The following MMP26 variants were observed in gnomAD, a reference collection of about 807,000 sequenced individuals.
MMP26 encodes the protein matrix metallopeptidase 26.
Under a neutral mutation model 31.0 loss-of-function variants are expected in MMP26, and 33 were observed. The ratio of observed to expected loss-of-function variants is 1.06; its 90% CI spans 0.81 to 1.42. The LOEUF is 1.42. Among genes scored for constraint, MMP26 ranks in the 40% most tolerant of loss-of-function variants. The pLI, the probability that MMP26 is intolerant of heterozygous loss-of-function variation, is 0.00. For missense variants in MMP26, 347 were observed against 316.1 expected (o/e 1.10, Z -0.74); for synonymous variants, 122 against 114.9 (o/e 1.06, Z -0.40).
chr11:4,862,188 C>T (rs571895159), intron 2 of MMP26, among the ~76,000 whole-genome samples: 5 of 152,180 alleles, frequency 3.3e-5, no homozygotes, highest in Non-Finnish European at 7.3e-5. Context: ...AAGGTTTCCA[C>T]ATATGCTGTT....
At chr11:4,915,799 C>G in intron 2 of MMP26, 1 of 575,346 alleles carries the variant, frequency 1.7e-6, no homozygotes, top group Middle Eastern at 4.5e-4. Context: ...GCAGCTCTTT[C>G]TAGTGGTTAT....
intron 2 of MMP26, among the ~76,000 whole-genome samples, chr11:4,905,467 A>T (rs1564803895): frequency 6.6e-6 from 1 of 152,158 alleles, no homozygotes; most frequent in Non-Finnish European, 1.5e-5. Context: ...ATGAATTCAC[A>T]GTTAAGCTTC....
intron 2 of MMP26, chr11:4,877,917 A>G (rs1403450187): frequency 6.6e-6 from 1 of 152,272 alleles, no homozygotes; most frequent in South Asian, 2.1e-4. Context: ...TCACTTTGGT[A>G]TATCGTTTTA....
intron 1 of MMP26, among the ~76,000 whole-genome samples, chr11:4,762,366 A>G (rs183211430): frequency 1.3e-4 from 20 of 152,294 alleles, no homozygotes; most frequent in Non-Finnish European, 2.1e-4. Flanking sequence ...TGAACATTTT[A>G]TTTAAGTTTC....
rs146706676 is a variant in MMP26 at position 4,769,782 on chromosome 11, C to T, written c.-145+2441C>T. The T allele has an allele frequency of 1.5e-4, 247 of 1,613,586 alleles. 1 individual carries two copies. In the African/African-American group the frequency reaches 2.7e-3, roughly 18 times the overall value. ...TGGGTAATGATGACAAACAGGATCA[C>T]GCTGTTCCCAGAGAGGGCAATGGCA... On this transcript the variant is annotated intron_variant, in intron 2 of 7. Coordinates refer to ENST00000380390, the MANE Select transcript of MMP26 (RefSeq NM_021801.5).
At chr11:4,923,813 A>G (rs1851223501) in intron 2 of MMP26, 1 of 1,613,960 alleles carries the variant, frequency 6.2e-7, no homozygotes, top group Non-Finnish European at 8.5e-7. Context: ...AGCATGAGCC[A>G]GCACATGGGA....
intron 2 of MMP26, among the ~76,000 whole-genome samples, chr11:4,811,639 C>T (rs1425388728): frequency 1.3e-5 from 2 of 152,052 alleles, no homozygotes; most frequent in African/African-American, 4.8e-5. Flanking sequence ...GAATAAAATT[C>T]AGGTCCCTCT....
At chr11:4,977,007 C>A (rs919691468) in intron 2 of MMP26, among the ~76,000 whole-genome samples, 6 of 151,958 alleles carry the variant, frequency 3.9e-5, no homozygotes, top group African/African-American at 1.5e-4. Context: ...TGTTTAAGAG[C>A]ACCTGAATTT....
At chr11:4,777,279 A>G (rs937257794) in intron 2 of MMP26, among the ~76,000 whole-genome samples, 3 of 152,170 alleles carry the variant, frequency 2.0e-5, no homozygotes, top group Admixed American at 2.0e-4. Context: ...GAAGTTAAGA[A>G]TCATAAAGGT....
At chr11:4,810,123 C>CCCTTTCCT (rs1424072450) in intron 2 of MMP26, among the ~76,000 whole-genome samples, 3 of 152,200 alleles carry the variant, frequency 2.0e-5, no homozygotes, top group Non-Finnish European at 4.4e-5. Context: ...ATTAACCCAT[C>CCCTTTCCT]CCTTTCCTCT....
intron 2 of MMP26, among the ~76,000 whole-genome samples, chr11:4,933,381 T>C (rs1851378745): frequency 6.6e-6 from 1 of 152,026 alleles, no homozygotes; most frequent in Admixed American, 6.6e-5. Context: ...CAAATAATTG[T>C]TTAAGGTCCT....
intron 2 of MMP26, among the ~76,000 whole-genome samples, chr11:4,868,212 T>C (rs1850262618): frequency 6.6e-6 from 1 of 151,856 alleles, no homozygotes; most frequent in Non-Finnish European, 1.5e-5. Context: ...CATGGACACA[T>C]GGGGGGAACA....
At chr11:4,707,682 T>C (rs1015114916) in intron 1 of MMP26, among the ~76,000 whole-genome samples, 2 of 152,234 alleles carry the variant, frequency 1.3e-5, no homozygotes, top group Non-Finnish European at 2.9e-5. Context: ...AAATATGTTT[T>C]TATGATTGCA....
chr11:4,848,095 A>T (rs953393900), intron 2 of MMP26: 2 of 854,422 alleles, frequency 2.3e-6, no homozygotes, highest in African/African-American at 3.4e-5. Flanking sequence ...ATACACAGGC[A>T]TACTTCCAGG....
At chr11:4,850,021 A>G (rs369725450) in intron 2 of MMP26, among the ~76,000 whole-genome samples, 1 of 152,152 alleles carries the variant, frequency 6.6e-6, no homozygotes, top group South Asian at 2.1e-4. Flanking sequence ...AGCTATTTTG[A>G]AATATACAAT....
intron 2 of MMP26, among the ~76,000 whole-genome samples, chr11:4,892,458 T>G (rs1284216572): frequency 6.6e-6 from 1 of 152,194 alleles, no homozygotes; most frequent in African/African-American, 2.4e-5. Flanking sequence ...AATTGTCCTG[T>G]GATTTGCTAT....
chr11:4,882,681 C>T (rs774607454), intron 2 of MMP26: 22 of 1,613,980 alleles, frequency 1.4e-5, no homozygotes, highest in Non-Finnish European at 1.9e-5. Flanking sequence ...ATCAGCCTCT[C>T]TTTGGCACAC....
chr11:4,782,525 C>T (rs1052880162), intron 2 of MMP26, among the ~76,000 whole-genome samples: 5 of 152,184 alleles, frequency 3.3e-5, no homozygotes, highest in Non-Finnish European at 7.3e-5. Context: ...AAGTTCAGAA[C>T]ATTTGCAGCC....
intron 2 of MMP26, among the ~76,000 whole-genome samples, chr11:4,975,163 A>C (rs1846720834): frequency 6.6e-5 from 10 of 152,070 alleles, no homozygotes; most frequent in Admixed American, 6.5e-4. Context: ...TTTAATAAGA[A>C]ATTACATGCA....
Sources: gnomAD v4.1 joint callset for allele counts (sites outside exome capture counted in the v4.1 genomes callset) on GRCh38, gnomAD v4.1.1 for gene constraint, MANE v1.5 for transcripts, NCBI Gene and HGNC (gene_info 2026-07-23, HGNC 2026-07-21) for gene names.